The following TTC39B variants were observed in gnomAD, a reference collection of about 807,000 sequenced individuals.
TTC39B encodes the protein tetratricopeptide repeat domain 39B, also known as tetratricopeptide repeat protein 39B.
Under a neutral mutation model 96.6 loss-of-function variants are expected in TTC39B, and 92 were observed. That is an observed-to-expected ratio of 0.95 (90% CI 0.80 to 1.13). TTC39B has a LOEUF of 1.13. Ranked by LOEUF, TTC39B falls within the 50% of genes most tolerant of loss-of-function variation. The probability of loss-of-function intolerance (pLI) is 0.00; values close to 1 mark genes in which losing one functional copy is unlikely to be tolerated. For missense variants in TTC39B, 955 were observed against 809.3 expected, an observed-to-expected ratio of 1.18 and a Z score of -2.18; for synonymous variants, 367 against 299.4, an observed-to-expected ratio of 1.23 and a Z score of -2.33.
intron 1 of TTC39B, among the ~76,000 whole-genome samples, chr9:15,273,692 G>GC (rs1823438568): frequency 6.6e-6 from 1 of 152,028 alleles, no homozygotes; most frequent in Non-Finnish European, 1.5e-5. Flanking sequence ...ACACAACCAG[G>GC]CCCCTTCTCA....
At chr9:15,215,266 G>A (rs1022392896) in intron 3 of TTC39B, among the ~76,000 whole-genome samples, 1 of 151,870 alleles carries the variant, frequency 6.6e-6, no homozygotes, top group Non-Finnish European at 1.5e-5. Context: ...AAATGAGGCT[G>A]GGTGTGGTGG....
At chr9:15,257,217 T>C (rs1017213269) in intron 2 of TTC39B, among the ~76,000 whole-genome samples, 5 of 152,206 alleles carry the variant, frequency 3.3e-5, no homozygotes, top group Non-Finnish European at 5.9e-5. Flanking sequence ...GATCTTGGTA[T>C]CTGAATGGTA....
chr9:15,192,667 G>C (rs988435623), exon 9 of TTC39B: 1 of 1,613,920 alleles, frequency 6.2e-7, no homozygotes, highest in Non-Finnish European at 8.5e-7. Context: ...TTGTTCTTCT[G>C]AATTTCATGC....
intron 4 of TTC39B, among the ~76,000 whole-genome samples, chr9:15,213,335 A>C (rs936348772): frequency 1.3e-5 from 2 of 152,216 alleles, no homozygotes; most frequent in African/African-American, 4.8e-5. Flanking sequence ...ACAGGGCTTC[A>C]TTATCGATTT....
At chr9:15,204,605 C>T in intron 6 of TTC39B, among the ~76,000 whole-genome samples, 1 of 151,966 alleles carries the variant, frequency 6.6e-6, no homozygotes, top group Non-Finnish European at 1.5e-5. Flanking sequence ...TGAATGCTAG[C>T]TTCTAAAATA....
At position 15,287,357 on chromosome 9, in the gene TTC39B, G is replaced by C. The variant is rs74915133; in HGVS notation, c.241-19409C>G. Among the ~76,000 whole-genome samples, 877 of 152,292 alleles carry C rather than the reference G, an allele frequency of 5.8e-3. 9 individuals carry two copies. Among genetic ancestry groups the C allele is most frequent in the Non-Finnish European group, 6.6e-3 (449 of 68,026 alleles). On this transcript the variant is annotated intron_variant, in intron 1 of 19. Transcript: ENST00000512701. ...ATAAAGAACTGCCAAAATTAAGAAA[G>C]CTGAGAAACAGCTAGAGACAACAGA...
At chr9:15,218,632 T>TAAAAAAAAAAATATATATATATA (rs545882970) in intron 3 of TTC39B, among the ~76,000 whole-genome samples, 5 of 105,110 alleles carry the variant, frequency 4.8e-5, no homozygotes, top group African/African-American at 1.8e-4. Context: ...TTAGTCTATT[T>TAAAAAAAAAAATATATATATATA]TAAATATATA....
At chr9:15,188,102 C>T in exon 14 of TTC39B, 1 of 1,607,934 alleles carries the variant, frequency 6.2e-7, no homozygotes, top group Non-Finnish European at 8.5e-7. Flanking sequence ...TCTTCTTGAA[C>T]TGAAATGCAT....
intron 1 of TTC39B, among the ~76,000 whole-genome samples, chr9:15,297,939 T>C (rs1045511308): frequency 6.6e-6 from 1 of 152,156 alleles, no homozygotes; most frequent in Non-Finnish European, 1.5e-5. Flanking sequence ...GTAAAGATTT[T>C]ATTTATGGGT....
exon 20 of TTC39B, chr9:15,164,387 A>G (rs898750806): frequency 2.0e-5 from 3 of 152,172 alleles, no homozygotes; most frequent in African/African-American, 7.2e-5. Context: ...GTTTAATCCA[A>G]ACAAAAGTGA....
chr9:15,203,078 A>T (rs1819635262), intron 7 of TTC39B, among the ~76,000 whole-genome samples: 1 of 152,250 alleles, frequency 6.6e-6, no homozygotes, highest in Admixed American at 6.5e-5. Context: ...CATGCTATGC[A>T]TGCATAACTG....
chr9:15,176,165 G>A (rs1454062549), intron 18 of TTC39B, among the ~76,000 whole-genome samples: 1 of 152,140 alleles, frequency 6.6e-6, no homozygotes, highest in African/African-American at 2.4e-5. Context: ...CAAAATCACT[G>A]TAGAGCAACT....
At chr9:15,301,299 C>T (rs1824579022) in intron 1 of TTC39B, among the ~76,000 whole-genome samples, 1 of 152,192 alleles carries the variant, frequency 6.6e-6, no homozygotes, top group Non-Finnish European at 1.5e-5. Context: ...TACCTAAAAC[C>T]TACCCTAACC....
At chr9:15,204,278 C>T (rs1220424474) in intron 6 of TTC39B, among the ~76,000 whole-genome samples, 1 of 152,182 alleles carries the variant, frequency 6.6e-6, no homozygotes, top group Non-Finnish European at 1.5e-5. Flanking sequence ...CCTGTAATCC[C>T]AGCACTTTGG....
At chr9:15,277,726 A>T (rs1823599573) in intron 1 of TTC39B, among the ~76,000 whole-genome samples, 1 of 152,206 alleles carries the variant, frequency 6.6e-6, no homozygotes, top group Non-Finnish European at 1.5e-5. Context: ...ATTAAAGAGA[A>T]ATCCTTCCCA....
At chr9:15,189,898 G>C in intron 11 of TTC39B, 106 bp from the exon 12 acceptor site, 2 of 720,094 alleles carry the variant, frequency 2.8e-6, no homozygotes, top group Non-Finnish European at 4.8e-6. Context: ...TCATGGAAAA[G>C]ATGAAAACTA....
chr9:15,298,793 A>G (rs1277799213), intron 1 of TTC39B, among the ~76,000 whole-genome samples: 2 of 152,078 alleles, frequency 1.3e-5, no homozygotes, highest in Non-Finnish European at 2.9e-5. Flanking sequence ...GAGAACTAAC[A>G]AAGTACCCTT....
chr9:15,182,597 C>T (rs1007610674), intron 16 of TTC39B, among the ~76,000 whole-genome samples, 182 bp from the exon 17 acceptor site: 2 of 151,976 alleles, frequency 1.3e-5, no homozygotes, highest in Admixed American at 6.6e-5. Context: ...TATATTTTTA[C>T]CAAAAATTTA....
chr9:15,207,279 C>A (rs1487816397), intron 6 of TTC39B, among the ~76,000 whole-genome samples: 1 of 152,196 alleles, frequency 6.6e-6, no homozygotes, highest in African/African-American at 2.4e-5. Context: ...GGATTACAGG[C>A]ACAAGCCACC....
Sources: gnomAD v4.1 joint callset for allele counts (sites outside exome capture counted in the v4.1 genomes callset) on GRCh38, gnomAD v4.1.1 for gene constraint, MANE v1.5 for transcripts, NCBI Gene and HGNC (gene_info 2026-07-23, HGNC 2026-07-21) for gene names.